RCAN2: variants seen among roughly 807,000 people sequenced by gnomAD.
RCAN2 encodes regulator of calcineurin 2.
In RCAN2, 9 loss-of-function variants were observed where a neutral mutation model predicts 23.6. The ratio of observed to expected loss-of-function variants is 0.38; its 90% CI spans 0.23 to 0.67. RCAN2 has a LOEUF of 0.67. Among genes scored for constraint, RCAN2 ranks in the 30% least tolerant of loss-of-function variants. RCAN2 has a pLI of 0.51. For synonymous variants in RCAN2, 109 were observed against 115.7 expected, an observed-to-expected ratio of 0.94 and a Z score of 0.37; for missense variants, 273 against 302.3, an observed-to-expected ratio of 0.90 and a Z score of 0.72.
At chr6:46,387,858 G>A (rs1765801949) in intron 2 of RCAN2, among the ~76,000 whole-genome samples, 1 of 152,154 alleles carries the variant, frequency 6.6e-6, no homozygotes, top group African/African-American at 2.4e-5. Context: ...CAACCCAAAT[G>A]TCCATCAATG....
intron 2 of RCAN2, among the ~76,000 whole-genome samples, chr6:46,326,821 G>A (rs1177108516): frequency 6.6e-6 from 1 of 152,196 alleles, no homozygotes; most frequent in African/African-American, 2.4e-5. Context: ...TGACATTTCA[G>A]ACTGAGAGTA....
chr6:46,418,695 G>GTATATA (rs70996369), intron 2 of RCAN2, among the ~76,000 whole-genome samples: 1,255 of 121,164 alleles, frequency 0.01, 14 homozygotes, highest in African/African-American at 0.021. Flanking sequence ...ATGTGTGTGT[G>GTATATA]TATATATATA....
chr6:46,405,977 A>C (rs1379524924), intron 2 of RCAN2, among the ~76,000 whole-genome samples: 3 of 151,952 alleles, frequency 2.0e-5, no homozygotes, highest in Admixed American at 2.0e-4. Flanking sequence ...CTGCTGGGGG[A>C]CCCAGTACAC....
At chr6:46,479,914 T>C (rs1042141146) in intron 1 of RCAN2, among the ~76,000 whole-genome samples, 1 of 152,142 alleles carries the variant, frequency 6.6e-6, no homozygotes, top group African/African-American at 2.4e-5. Context: ...CTAAACATAC[T>C]GGACCAGTGT....
rs1045672416 is a variant in RCAN2, at chr6:46,220,899, G to A, written c.*2242C>T. The A allele has an allele frequency of 2.6e-5, 4 of 152,688 alleles. No individual in the cohort carries two copies. Among genetic ancestry groups the A allele is most frequent in the Admixed American group, 6.5e-5 (1 of 15,282 alleles). 9.5% of individuals were successfully genotyped at this position (152,688 alleles called of 1,614,324 possible). Reference sequence around the variant, plus strand: ...ATGTGCGTCATGGAAATGCTGAGGCGATTCTGACTTTCACAGTGCTAGGAG... The same window carrying A: ...ATGTGCGTCATGGAAATGCTGAGGCAATTCTGACTTTCACAGTGCTAGGAG... On this transcript the variant is annotated 3_prime_UTR_variant, in exon 5 of 5. Coordinates refer to ENST00000371374, the MANE Select transcript of RCAN2 (RefSeq NM_001251974.2).
chr6:46,295,461 G>C (rs1762698585), intron 2 of RCAN2, among the ~76,000 whole-genome samples: 1 of 152,116 alleles, frequency 6.6e-6, no homozygotes, highest in Non-Finnish European at 1.5e-5. Context: ...AAGAACACCA[G>C]AAAAGAAAAG....
chr6:46,457,453 C>T (rs1456244422), intron 1 of RCAN2, among the ~76,000 whole-genome samples: 2 of 152,162 alleles, frequency 1.3e-5, no homozygotes, highest in Non-Finnish European at 2.9e-5. Flanking sequence ...TTTTACAAGA[C>T]CACTGACAAA....
At chr6:46,227,100 C>T (rs906348992) in intron 4 of RCAN2, among the ~76,000 whole-genome samples, 4 of 152,114 alleles carry the variant, frequency 2.6e-5, no homozygotes, top group African/African-American at 7.2e-5. Context: ...TATTGATTTG[C>T]ACATGTTGAA....
chr6:46,466,295 G>C (rs1768378898), intron 1 of RCAN2, among the ~76,000 whole-genome samples: 1 of 152,218 alleles, frequency 6.6e-6, no homozygotes, highest in African/African-American at 2.4e-5. Context: ...ATGGGGCATG[G>C]AGTGCTGGAG....
chr6:46,391,796 G>A (rs903734942), intron 2 of RCAN2, among the ~76,000 whole-genome samples: 2 of 152,156 alleles, frequency 1.3e-5, no homozygotes, highest in African/African-American at 4.8e-5. Flanking sequence ...GTGAAGGGGG[G>A]TGACAAGGCA....
chr6:46,384,249 T>C (rs1765683186), intron 2 of RCAN2, among the ~76,000 whole-genome samples: 1 of 152,232 alleles, frequency 6.6e-6, no homozygotes, highest in African/African-American at 2.4e-5. Flanking sequence ...TCAGCTCTTC[T>C]AGCAGCTTTT....
At chr6:46,382,248 A>G (rs1490712734) in intron 2 of RCAN2, among the ~76,000 whole-genome samples, 2 of 152,172 alleles carry the variant, frequency 1.3e-5, no homozygotes, top group African/African-American at 4.8e-5. Flanking sequence ...TTTTCTCATA[A>G]GGTTATCGGG....
intron 2 of RCAN2, among the ~76,000 whole-genome samples, chr6:46,407,112 C>T (rs1162334074): frequency 6.6e-6 from 1 of 152,202 alleles, no homozygotes; most frequent in African/African-American, 2.4e-5. Context: ...TCCTAGTCAA[C>T]TCATATCACT....
At chr6:46,348,085 T>C (rs926124218) in intron 2 of RCAN2, among the ~76,000 whole-genome samples, 3 of 152,196 alleles carry the variant, frequency 2.0e-5, no homozygotes, top group African/African-American at 4.8e-5. Flanking sequence ...AAAGACTAGA[T>C]TTCCATCGAT....
intron 2 of RCAN2, among the ~76,000 whole-genome samples, chr6:46,438,083 T>C (rs1476060503): frequency 6.6e-6 from 1 of 152,194 alleles, no homozygotes; most frequent in Non-Finnish European, 1.5e-5. Flanking sequence ...ATTCTTTCCC[T>C]GTCACCCCCA....
intron 2 of RCAN2, among the ~76,000 whole-genome samples, chr6:46,376,583 G>A (rs745591279): frequency 6.6e-6 from 1 of 152,274 alleles, no homozygotes; most frequent in African/African-American, 2.4e-5. Context: ...GGGAGGCTGA[G>A]GCAGAAGAAT....
chr6:46,297,613 A>G (rs867536653), intron 2 of RCAN2, among the ~76,000 whole-genome samples: 1 of 152,096 alleles, frequency 6.6e-6, no homozygotes, highest in African/African-American at 2.4e-5. Flanking sequence ...AGATTCCATG[A>G]AGGACCAAAT....
intron 2 of RCAN2, among the ~76,000 whole-genome samples, chr6:46,280,489 A>T (rs921262531): frequency 1.1e-4 from 16 of 152,264 alleles, no homozygotes; most frequent in African/African-American, 3.4e-4. Flanking sequence ...ACACACACAC[A>T]CACACACAAA....
rs775422870 is a variant in RCAN2 at position 46,248,798 on chromosome 6, T to C, written c.324A>G (p.Lys108=). 2 of 1,613,452 alleles carry C rather than the reference T, an allele frequency of 1.2e-6. No homozygotes were observed. Residue 108 remains lysine, a synonymous_variant, in exon 3 of 5, where the codon AAA becomes AAG. Coordinates refer to ENST00000371374, the MANE Select transcript of RCAN2 (RefSeq NM_001251974.2). ...RRVRINFSNP[K]SAARARIELH... ...GCTCTATCCTAGCTCGGGCTGCAGATTTAGGATTGCTGAAGTTTATACGGA... is the reference window on the plus strand; with the variant it reads ...GCTCTATCCTAGCTCGGGCTGCAGACTTAGGATTGCTGAAGTTTATACGGA...
Sources: allele counts gnomAD v4.1 joint callset (sites outside exome capture counted in the v4.1 genomes callset), GRCh38; gene constraint gnomAD v4.1.1; transcripts MANE v1.5; gene names NCBI Gene and HGNC (gene_info 2026-07-23, HGNC 2026-07-21).